Variants in KCNJ6 observed in about 807,000 individuals in gnomAD.
The protein encoded by KCNJ6 is potassium inwardly rectifying channel subfamily J member 6, also known as G protein-activated inward rectifier potassium channel 2.
Under a neutral mutation model 34.2 loss-of-function variants are expected in KCNJ6, and 9 were observed. The ratio of observed to expected loss-of-function variants is 0.26; its 90% CI spans 0.16 to 0.46. The LOEUF (loss-of-function observed/expected upper bound fraction) is 0.46. Among genes scored for constraint, KCNJ6 ranks in the 20% least tolerant of loss-of-function variants. The pLI is 1.00. For synonymous variants in KCNJ6, 196 were observed against 207.1 expected (o/e 0.95, Z 0.46); for missense variants, 236 against 531.3 (o/e 0.44, Z 5.46).
chr21:37,878,688 T>C (rs994531254), intron 1 of KCNJ6, among the ~76,000 whole-genome samples: 8 of 152,136 alleles, frequency 5.3e-5, no homozygotes, highest in Admixed American at 2.6e-4. Flanking sequence ...AGGTACCAAA[T>C]GTGTCTAACA....
At position 37,632,301 on chromosome 21, in the gene KCNJ6, C is replaced by A. The variant is rs1211534306; in HGVS notation, c.947-6817G>T. Among the ~76,000 whole-genome samples, 3 of 134,314 alleles carry A rather than the reference C, an allele frequency of 2.2e-5. 1 individual carries two copies. The highest frequency in any genetic ancestry group is 3.4e-5 in the Non-Finnish European group (2 of 58,616). 88.1% of individuals were successfully genotyped at this position (134,314 alleles called of 152,430 possible). A position where few individuals can be genotyped will look rare whatever the true frequency, so the allele number is the denominator to read the frequency against. ...CACTTCTAAATGTCAAAGAAGAAACCATAATGGAAATTTGATAGTACTTAG... is the reference window on the plus strand; with the variant it reads ...CACTTCTAAATGTCAAAGAAGAAACAATAATGGAAATTTGATAGTACTTAG... On this transcript the variant is annotated intron_variant, in intron 3 of 3. Coordinates refer to ENST00000609713, the MANE Select transcript of KCNJ6 (RefSeq NM_002240.5).
At chr21:37,674,997 C>T (rs2054558235) in intron 3 of KCNJ6, among the ~76,000 whole-genome samples, 1 of 152,128 alleles carries the variant, frequency 6.6e-6, no homozygotes, top group African/African-American at 2.4e-5. Flanking sequence ...GACAGCCCAC[C>T]CTGCACTGCC....
intron 2 of KCNJ6, among the ~76,000 whole-genome samples, chr21:37,789,336 G>C (rs2055206321): frequency 6.6e-6 from 1 of 152,154 alleles, no homozygotes; most frequent in Non-Finnish European, 1.5e-5. Context: ...CATACGGGTG[G>C]GGTCTTAATC....
intron 1 of KCNJ6, among the ~76,000 whole-genome samples, chr21:37,868,042 C>A (rs1026758454): frequency 2.0e-5 from 3 of 152,156 alleles, no homozygotes; most frequent in Non-Finnish European, 4.4e-5. Context: ...CATCTTTTCC[C>A]TAAGACCTCA....
chr21:37,737,058 T>G (rs904376669), intron 2 of KCNJ6, among the ~76,000 whole-genome samples: 1 of 152,176 alleles, frequency 6.6e-6, no homozygotes, highest in Admixed American at 6.5e-5. Context: ...TTTTATTGTG[T>G]GATGTTCTTT....
At chr21:37,662,657 T>C (rs2054495260) in intron 3 of KCNJ6, among the ~76,000 whole-genome samples, 1 of 152,246 alleles carries the variant, frequency 6.6e-6, no homozygotes, top group Non-Finnish European at 1.5e-5. Context: ...ATGATATTTC[T>C]GGTTCTAGGT....
chr21:37,713,309 C>T (rs2054772472), intron 3 of KCNJ6, among the ~76,000 whole-genome samples: 1 of 151,794 alleles, frequency 6.6e-6, no homozygotes. Flanking sequence ...GAAAAAGGAC[C>T]CCAAAGACAC....
chr21:37,814,752 G>T lies in KCNJ6; in HGVS notation c.25+25906C>A, dbSNP rs113772139. Among the ~76,000 whole-genome samples, 933 of 152,116 alleles carry T rather than the reference G, an allele frequency of 6.1e-3. 12 individuals are homozygous for T. The highest frequency in any genetic ancestry group is 6.3e-3 in the Admixed American group (96 of 15,286). ...TCTCCACTAAAAATATAAAAAATTA[G>T]CCAGGCGTGGTGGCGGGCGCCTGTA... On this transcript the variant is annotated intron_variant, in intron 2 of 3. Coordinates refer to ENST00000609713, the MANE Select transcript of KCNJ6 (RefSeq NM_002240.5).
At chr21:37,764,184 T>C (rs1433146950) in intron 2 of KCNJ6, among the ~76,000 whole-genome samples, 1 of 152,106 alleles carries the variant, frequency 6.6e-6, no homozygotes, top group Non-Finnish European at 1.5e-5. Flanking sequence ...GGTCTGGTAA[T>C]GCAAGAGGTA....
At chr21:37,745,976 G>A (rs1179068230) in intron 2 of KCNJ6, among the ~76,000 whole-genome samples, 3 of 152,154 alleles carry the variant, frequency 2.0e-5, no homozygotes, top group Non-Finnish European at 2.9e-5. Context: ...TCAAGGTGCC[G>A]GCCGGTTCTG....
intron 1 of KCNJ6, among the ~76,000 whole-genome samples, chr21:37,849,972 T>C (rs1034416683): frequency 2.6e-5 from 4 of 152,210 alleles, no homozygotes; most frequent in African/African-American, 9.6e-5. Flanking sequence ...ATGAATGGAA[T>C]GTCCCTGAAC....
chr21:37,781,006 T>A (rs1412811602), intron 2 of KCNJ6, among the ~76,000 whole-genome samples: 1 of 152,212 alleles, frequency 6.6e-6, no homozygotes, highest in Non-Finnish European at 1.5e-5. Context: ...TGGCTCCAAA[T>A]ATCACGTTAG....
At chr21:37,869,977 A>T (rs1242862377) in intron 1 of KCNJ6, among the ~76,000 whole-genome samples, 3 of 152,206 alleles carry the variant, frequency 2.0e-5, no homozygotes, top group Non-Finnish European at 4.4e-5. Flanking sequence ...GGGCCAGCTC[A>T]GGCAGAGGGT....
intron 2 of KCNJ6, among the ~76,000 whole-genome samples, chr21:37,793,589 C>T (rs1270070248): frequency 6.6e-6 from 1 of 150,488 alleles, no homozygotes; most frequent in African/African-American, 2.5e-5. Context: ...AGCTATCAAG[C>T]CTCTAAGGCT....
intron 2 of KCNJ6, among the ~76,000 whole-genome samples, chr21:37,747,821 C>A (rs2054975111): frequency 6.6e-6 from 1 of 152,170 alleles, no homozygotes; most frequent in Non-Finnish European, 1.5e-5. Context: ...CAATTTTAAC[C>A]CAGTGAGACC....
At chr21:37,689,315 C>A (rs1264252953) in intron 3 of KCNJ6, among the ~76,000 whole-genome samples, 3 of 82,452 alleles carry the variant, frequency 3.6e-5, no homozygotes, top group Non-Finnish European at 7.0e-5. Flanking sequence ...TCCATACATA[C>A]TAAAAAGTCT....
chr21:37,797,564 T>C (rs1013100481), intron 2 of KCNJ6, among the ~76,000 whole-genome samples: 2 of 152,166 alleles, frequency 1.3e-5, no homozygotes, highest in African/African-American at 4.8e-5. Flanking sequence ...AGTGACACTG[T>C]TGACTCACTA....
chr21:37,713,098 T>G (rs2054771004), intron 3 of KCNJ6, among the ~76,000 whole-genome samples: 1 of 152,138 alleles, frequency 6.6e-6, no homozygotes, highest in African/African-American at 2.4e-5. Context: ...TGTGAGAGGT[T>G]GTGACCTTGC....
chr21:37,847,031 A>T (rs1170433489), intron 1 of KCNJ6, among the ~76,000 whole-genome samples: 1 of 152,232 alleles, frequency 6.6e-6, no homozygotes, highest in East Asian at 1.9e-4. Context: ...CTGCCGAAAA[A>T]TATAGGCCAC....
Sources: gnomAD v4.1 joint callset for allele counts (sites outside exome capture counted in the v4.1 genomes callset) on GRCh38, gnomAD v4.1.1 for gene constraint, MANE v1.5 for transcripts, NCBI Gene and HGNC (gene_info 2026-07-23, HGNC 2026-07-21) for gene names.